Variants in NUP155 observed in about 807,000 individuals in gnomAD.
NUP155 encodes the protein nucleoporin 155.
In NUP155, 71 loss-of-function variants were observed where a neutral mutation model predicts 180.4. The ratio of observed to expected loss-of-function variants is 0.39; its 90% CI spans 0.33 to 0.48. The LOEUF is 0.48. NUP155 is among the 20% of genes least tolerant of loss of function. The pLI is 0.91. For missense variants in NUP155, 1,553 were observed against 1,648.9 expected, an observed-to-expected ratio of 0.94 and a Z score of 1.01; for synonymous variants, 582 against 559.5, an observed-to-expected ratio of 1.04 and a Z score of -0.57.
intron 4 of NUP155, among the ~76,000 whole-genome samples, chr5:37,355,223 C>A (rs182207595): frequency 6.6e-6 from 1 of 151,958 alleles, no homozygotes; most frequent in Non-Finnish European, 1.5e-5. Context: ...TAAAAAGGTA[C>A]ATTTGGCTGC....
intron 20 of NUP155, among the ~76,000 whole-genome samples, chr5:37,320,492 A>G (rs918311205): frequency 3.4e-4 from 52 of 152,064 alleles, no homozygotes; most frequent in African/African-American, 3.6e-4. Flanking sequence ...TAAAAAGAAA[A>G]AGAGAGAGAG....
At chr5:37,345,179 G>A (rs973227449) in intron 9 of NUP155, among the ~76,000 whole-genome samples, 3 of 151,720 alleles carry the variant, frequency 2.0e-5, no homozygotes, top group Non-Finnish European at 4.4e-5. Context: ...GGGGACTACT[G>A]GGCAATTTTA....
intron 11 of NUP155, among the ~76,000 whole-genome samples, chr5:37,338,403 CATCA>C (rs1410721538): frequency 4.5e-4 from 67 of 149,902 alleles, no homozygotes; most frequent in African/African-American, 1.6e-3. Flanking sequence ...ACACACACAA[CATCA>C]ATCTTTTTTT....
rs573811558 is a variant in NUP155 at position 37,322,632 on chromosome 5, G to A, written c.2207+1360C>T. Among the ~76,000 whole-genome samples the A allele has an allele frequency of 4.9e-3, 710 of 145,396 alleles. 6 individuals are homozygous for A. The highest frequency in any genetic ancestry group is 6.9e-3 in the Non-Finnish European group (454 of 65,932). Reference sequence around the variant, plus strand: ...TGAGGCAGGAGAATGGCATGAACCCGGGAGGCGGAGGTTGCAGTGAGCTGA... The same window carrying A: ...TGAGGCAGGAGAATGGCATGAACCCAGGAGGCGGAGGTTGCAGTGAGCTGA... On this transcript the variant is annotated intron_variant, in intron 20 of 34. Transcript: ENST00000231498.
chr5:37,349,078 A>C, intron 8 of NUP155, 94 bp downstream of exon 8: 2 of 355,080 alleles, frequency 5.6e-6, no homozygotes, highest in Non-Finnish European at 5.2e-6. Flanking sequence ...TTTTAGTTAC[A>C]CAGTTCATAG....
intron 4 of NUP155, among the ~76,000 whole-genome samples, chr5:37,357,399 C>CAAAAAAAAAAAAAAAAAAAAAA (rs397997409): frequency 1.6e-4 from 5 of 31,296 alleles, no homozygotes; most frequent in Admixed American, 5.8e-4. Context: ...ACCTTAATCT[C>CAAAAAAAAAAAAAAAAAAAAAA]AAAAAAAAAA....
Position 37,301,425 on chromosome 5 carries a change from C to G in NUP155, c.3561+12G>C, listed in dbSNP as rs373514110. 5.1e-6 allele frequency: 8 copies of G among 1,573,926 alleles called. No individual in the cohort carries two copies. The highest frequency in any genetic ancestry group is 4.0e-5 in the African/African-American group (3 of 74,120). ...GTAACTACTATAAAAATTTCACTTG[C>G]TTTTTTATTACCTTAGTTATGTCCA... On this transcript the variant is annotated intron_variant, in intron 30 of 34. Transcript: ENST00000231498.
At chr5:37,350,463 C>A (rs1467932087) in intron 6 of NUP155, among the ~76,000 whole-genome samples, 198 bp from the exon 7 acceptor site, 1 of 152,048 alleles carries the variant, frequency 6.6e-6, no homozygotes, top group East Asian at 1.9e-4. Flanking sequence ...AAAATATCAA[C>A]CAAATACTGA....
intron 13 of NUP155, among the ~76,000 whole-genome samples, chr5:37,332,495 T>A (rs564063390): frequency 6.6e-6 from 1 of 151,938 alleles, no homozygotes; most frequent in Non-Finnish European, 1.5e-5. Context: ...CTAAATTTTT[T>A]TATATTTTTA....
intron 3 of NUP155, among the ~76,000 whole-genome samples, chr5:37,361,249 G>C (rs530501613): frequency 1.4e-4 from 18 of 126,408 alleles, no homozygotes; most frequent in South Asian, 1.3e-3. Flanking sequence ...CTGGGCGACA[G>C]AGCGAGACTC....
intron 9 of NUP155, among the ~76,000 whole-genome samples, chr5:37,343,588 T>A (rs1441524450): frequency 6.6e-6 from 1 of 152,050 alleles, no homozygotes; most frequent in Non-Finnish European, 1.5e-5. Context: ...GTATCATTAC[T>A]GCTAATTAAA....
At chr5:37,308,205 T>C (rs1743288752) in intron 24 of NUP155, among the ~76,000 whole-genome samples, 1 of 152,068 alleles carries the variant, frequency 6.6e-6, no homozygotes, top group Non-Finnish European at 1.5e-5. Flanking sequence ...CAGAAAGCAA[T>C]GTAAAACATA....
chr5:37,303,769 A>G (rs1742993328), intron 27 of NUP155, among the ~76,000 whole-genome samples: 1 of 151,600 alleles, frequency 6.6e-6, no homozygotes, highest in Non-Finnish European at 1.5e-5. Context: ...AATATATGGC[A>G]AAACCTCGTC....
chr5:37,329,271 C>T lies in NUP155; in HGVS notation c.1732G>A (p.Gly578Ser), dbSNP rs1225081084. ...WATRAFFRYG[G>S]EAQMRFPTTL... ...GTTGGAAATCTCATCTGTGCTTCAC[C>T]ACCATACCTATTTTTATGACAAGAG... The change falls in exon 16 of 35, where the codon GGT (glycine) becomes AGT (serine). Residue 578 changes from glycine to serine, a missense_variant. By Grantham distance (56) the Gly-to-Ser change is moderately conservative (BLOSUM62 0). Transcript: ENST00000231498. The T allele has an allele frequency of 6.2e-7, 1 of 1,613,286 alleles. No homozygotes were observed. Among genetic ancestry groups the T allele is most frequent in the South Asian group, 1.1e-5 (1 of 91,060 alleles).
At chr5:37,328,492 G>T in intron 16 of NUP155, 72 bp from the exon 17 acceptor site, 2 of 1,138,068 alleles carry the variant, frequency 1.8e-6, no homozygotes, top group Non-Finnish European at 2.6e-6. Context: ...TCAAAATTAG[G>T]TAAAGAAGGT....
At chr5:37,340,763 T>A (rs996574030) in intron 11 of NUP155, among the ~76,000 whole-genome samples, 1 of 152,216 alleles carries the variant, frequency 6.6e-6, no homozygotes, top group African/African-American at 2.4e-5. Context: ...AAAACCTAAA[T>A]GTAGCAGTGA....
intron 16 of NUP155, 73 bp downstream of exon 16, chr5:37,329,117 T>C (rs886413072): frequency 9.7e-7 from 1 of 1,028,230 alleles, no homozygotes; most frequent in Non-Finnish European, 1.5e-6. Context: ...AAAGGCTTAT[T>C]GATAAAAATT....
At chr5:37,356,094 T>C (rs191516382) in intron 4 of NUP155, among the ~76,000 whole-genome samples, 107 of 151,502 alleles carry the variant, frequency 7.1e-4, no homozygotes, top group African/African-American at 2.5e-3. Context: ...CCAAGCGTGG[T>C]GGTGCATGCC....
intron 9 of NUP155, among the ~76,000 whole-genome samples, chr5:37,347,978 T>C (rs551316383): frequency 1.3e-4 from 19 of 151,844 alleles, no homozygotes; most frequent in African/African-American, 4.6e-4. Flanking sequence ...CTACTAAAAA[T>C]ACAAAATTAG....
Sources: gnomAD v4.1 joint callset for allele counts (sites outside exome capture counted in the v4.1 genomes callset) on GRCh38, gnomAD v4.1.1 for gene constraint, MANE v1.5 for transcripts, NCBI Gene and HGNC (gene_info 2026-07-23, HGNC 2026-07-21) for gene names.